The following COL9A3 variants were observed in gnomAD, a reference collection of about 807,000 sequenced individuals.
COL9A3 encodes collagen type IX alpha 3 chain, also known as collagen alpha-3(IX) chain.
A neutral mutation model predicts 110.2 loss-of-function variants in COL9A3; 82 were observed. The observed-to-expected ratio is 0.74, with a 90% CI of 0.62 to 0.89. The LOEUF (loss-of-function observed/expected upper bound fraction) is 0.89, where lower values mean the gene tolerates loss of function less well. Among genes scored for constraint, COL9A3 ranks in the 40% least tolerant of loss-of-function variants. COL9A3 has a pLI of 0.00. For synonymous variants in COL9A3, 494 were observed against 403.8 expected (o/e 1.22, Z -2.68); for missense variants, 1,066 against 981.3 (o/e 1.09, Z -1.15).
At chr20:62,839,091 G>A (rs2063655509) in intron 31 of COL9A3, among the ~76,000 whole-genome samples, 1 of 152,152 alleles carries the variant, frequency 6.6e-6, no homozygotes, top group South Asian at 2.1e-4. Flanking sequence ...CGGGCGTGGT[G>A]GCGGGCGCCT....
chr20:62,817,545 T>C lies in COL9A3; in HGVS notation c.79-22T>C, dbSNP rs546485496. 51 of 1,524,722 alleles carry C rather than the reference T, an allele frequency of 3.3e-5. No individual in the cohort carries two copies. The African/African-American group carries it at 6.7e-4, about 20-fold the overall frequency. The allele number at this position is 1,524,722 out of a possible 1,614,324, so 94.4% of individuals were successfully genotyped here. On this transcript the variant is annotated intron_variant, in intron 1 of 31. Transcript: ENST00000649368. ...GGCCCACGGGGGCACCTGCGCTCCT[T>C]AATGAGTTTTCTCCGTTTCAGAGAG...
At chr20:62,826,312 C>A in intron 14 of COL9A3, 55 bp downstream of exon 14, 1 of 1,486,002 alleles carries the variant, frequency 6.7e-7, no homozygotes, top group South Asian at 1.2e-5. Context: ...GCCTGGTTGT[C>A]TGCACCTCCA....
chr20:62,821,127 T>C, intron 5 of COL9A3, 54 bp from the exon 6 acceptor site: 2 of 1,583,674 alleles, frequency 1.3e-6, no homozygotes, highest in Non-Finnish European at 1.7e-6. Context: ...GGGAGGGGAT[T>C]GGGTTTGCAA....
chr20:62,817,434 C>G, intron 1 of COL9A3, 133 bp from the exon 2 acceptor site: 1 of 664,172 alleles, frequency 1.5e-6, no homozygotes, highest in Non-Finnish European at 2.5e-6. Context: ...GGGCTCCGCC[C>G]GAGGCTTTGG....
At chr20:62,817,527 G>C in intron 1 of COL9A3, 40 bp from the exon 2 acceptor site, 2 of 1,430,076 alleles carry the variant, frequency 1.4e-6, no homozygotes, top group Non-Finnish European at 1.9e-6. Context: ...TCAGGCCCAC[G>C]GGGGCACCTG....
rs544472545 is a variant in COL9A3 at position 62,831,691 on chromosome 20, A to G, written c.1288-463A>G. 153 of 191,534 alleles carry G rather than the reference A, an allele frequency of 8.0e-4. 1 individual carries two copies. The highest frequency in any genetic ancestry group is 1.2e-3 in the Non-Finnish European group (111 of 90,446). 11.9% of individuals were successfully genotyped at this position (191,534 alleles called of 1,614,324 possible). On this transcript the variant is annotated intron_variant, in intron 24 of 31. Coordinates refer to ENST00000649368, the MANE Select transcript of COL9A3 (RefSeq NM_001853.4). ...TTCCCTTTCACTTTAAACTCACGGG[A>G]AAGTCTCCTGCTTTTCTGCCCTTTG...
At chr20:62,828,670 G>A (rs1281199944) in intron 17 of COL9A3, 94 bp from the exon 18 acceptor site, 4 of 1,406,250 alleles carry the variant, frequency 2.8e-6, no homozygotes, top group Non-Finnish European at 4.0e-6. Context: ...CACAGTTTTA[G>A]GTTGATGGGG....
At chr20:62,822,280 C>T in intron 9 of COL9A3, 116 bp downstream of exon 9, 1 of 771,212 alleles carries the variant, frequency 1.3e-6, no homozygotes, top group Non-Finnish European at 2.4e-6. Context: ...CTAACCCTAA[C>T]TTGGCCACTC....
intron 17 of COL9A3, among the ~76,000 whole-genome samples, chr20:62,828,476 G>C (rs774129186): frequency 5.3e-5 from 8 of 152,260 alleles, no homozygotes; most frequent in Non-Finnish European, 8.8e-5. Flanking sequence ...AAATGGGCCA[G>C]AACCAAACTT....
At chr20:62,819,831 G>A in intron 4 of COL9A3, 98 bp from the exon 5 acceptor site, 1 of 1,353,852 alleles carries the variant, frequency 7.4e-7, no homozygotes, top group Non-Finnish European at 1.1e-6. Flanking sequence ...ATGCCTCTCT[G>A]GACTCACCAA....
At position 62,822,163 on chromosome 20, in the gene COL9A3, C is replaced by A. The variant is rs769879690; in HGVS notation, c.476C>A (p.Pro159His). 1 of 1,567,012 alleles carries A rather than the reference C, an allele frequency of 6.4e-7. No homozygotes were observed. The stretch of plus-strand genomic sequence containing the variant: ...GGTCCCCCAGGACCTCCCGGACCCC[C>A]TGTAAGTACTGGGCAGAGGCTCTAA... ...LPGPPGPPGP[P>H]GHPGVLPEGA... Residue 159 changes from proline (P) to histidine (H), a missense_variant and splice_region_variant, in exon 9 of 32, where the codon CCT becomes CAT. Transcript: ENST00000649368.
chr20:62,841,099 A>C lies in COL9A3; in HGVS notation c.*367A>C. 1 of 236,232 alleles carries C rather than the reference A, an allele frequency of 4.2e-6. No individual in the cohort carries two copies. 14.6% of individuals were successfully genotyped at this position (236,232 alleles called of 1,614,324 possible). A position where few individuals can be genotyped will look rare whatever the true frequency, so the allele number is the denominator to read the frequency against. ...AATGATATATTAAACCTTCAGATTA[A>C]TGACTGGCTACAGAGTAACAAAAAA... On this transcript the variant is annotated 3_prime_UTR_variant, in exon 32 of 32. Transcript: ENST00000649368.
At position 62,817,151 on chromosome 20, in the gene COL9A3, G is replaced by A. The variant is rs1414684135; in HGVS notation, c.78+9G>A. 1 of 1,391,082 alleles carries A rather than the reference G, an allele frequency of 7.2e-7. No individual in the cohort carries two copies. The highest frequency in any genetic ancestry group is 9.4e-7 in the Non-Finnish European group (1 of 1,066,706). The allele number at this position is 1,391,082 out of a possible 1,614,324, so 86.2% of individuals were successfully genotyped here. Reference sequence around the variant, plus strand: ...CGGCCGCCGGGGCGCAGGTGAGCGCGAGCTCCGGGCTCTGAGGCTGGACGT... The same window carrying A: ...CGGCCGCCGGGGCGCAGGTGAGCGCAAGCTCCGGGCTCTGAGGCTGGACGT... On this transcript the variant is annotated intron_variant, in intron 1 of 31. Coordinates refer to ENST00000649368, the MANE Select transcript of COL9A3 (RefSeq NM_001853.4).
At chr20:62,837,357 G>C in intron 30 of COL9A3, 92 bp downstream of exon 30, 1 of 1,376,662 alleles carries the variant, frequency 7.3e-7, no homozygotes, top group South Asian at 1.2e-5. Context: ...CCTGCCATGC[G>C]CCCTCAGGGG....
chr20:62,816,345 G>C (rs1355663805), upstream of COL9A3: 1 of 152,340 alleles, frequency 6.6e-6, no homozygotes, highest in Non-Finnish European at 1.5e-5. Flanking sequence ...GGTTCCTTCA[G>C]GCCGGGGATC....
Position 62,827,917 on chromosome 20 carries a change from C to G in COL9A3, c.847-6C>G, listed in dbSNP as rs779724781. The G allele has an allele frequency of 6.2e-7, 1 of 1,612,836 alleles. No individual in the cohort carries two copies. On this transcript the variant is annotated splice_region_variant and splice_polypyrimidine_tract_variant and intron_variant, in intron 16 of 31. Transcript: ENST00000649368. ...CCACTGCTTCTGTCACTTGTGTGTC[C>G]TCTAGGGCAGACCTGGTCCCAAGGG...
intron 13 of COL9A3, 81 bp downstream of exon 13, chr20:62,825,951 A>C: frequency 6.9e-7 from 1 of 1,449,684 alleles, no homozygotes; most frequent in Non-Finnish European, 9.4e-7. Flanking sequence ...TCTACCCCCG[A>C]GGGGGCCAGC....
intron 27 of COL9A3, 39 bp downstream of exon 27, chr20:62,835,992 G>T: frequency 6.2e-7 from 1 of 1,614,062 alleles, no homozygotes; most frequent in Non-Finnish European, 8.5e-7. Flanking sequence ...ACCATCCATG[G>T]GCGCCTGCTG....
intron 25 of COL9A3, 123 bp from the exon 26 acceptor site, chr20:62,832,897 C>T: frequency 3.3e-6 from 3 of 906,348 alleles, no homozygotes; most frequent in Non-Finnish European, 3.5e-6. Flanking sequence ...GGGGCCTGGG[C>T]TTTTGGCCTC....
Sources: allele counts gnomAD v4.1 joint callset (sites outside exome capture counted in the v4.1 genomes callset), GRCh38; gene constraint gnomAD v4.1.1; transcripts MANE v1.5; gene names NCBI Gene and HGNC (gene_info 2026-07-23, HGNC 2026-07-21).